The following ZFHX3 variants were observed in gnomAD, a reference collection of about 807,000 sequenced individuals.
ZFHX3 encodes zinc finger homeobox protein 3.
In ZFHX3, 42 loss-of-function variants were observed where a neutral mutation model predicts 279.1. The observed-to-expected ratio is 0.15, with a 90% CI of 0.12 to 0.19. The LOEUF (loss-of-function observed/expected upper bound fraction) is 0.19. Among genes scored for constraint, ZFHX3 ranks in the 10% least tolerant of loss-of-function variants. ZFHX3 has a pLI of 1.00. For synonymous variants in ZFHX3, 2,293 were observed against 1,957.8 expected (o/e 1.17, Z -4.52); for missense variants, 4,981 against 4,754.0 (o/e 1.05, Z -1.40).
intron 8 of ZFHX3, among the ~76,000 whole-genome samples, chr16:73,078,982 C>G (rs1015716498): frequency 6.6e-6 from 1 of 152,136 alleles, no homozygotes; most frequent in Non-Finnish European, 1.5e-5. Flanking sequence ...TGAACTTCAA[C>G]TTGCCTGTCA....
intron 1 of ZFHX3, among the ~76,000 whole-genome samples, chr16:73,769,480 G>C (rs1344058514): frequency 6.6e-6 from 1 of 152,050 alleles, no homozygotes; most frequent in East Asian, 1.9e-4. Context: ...AGAATTAATA[G>C]TACCATGCTA....
At chr16:73,547,267 G>C (rs1409176655) in intron 2 of ZFHX3, among the ~76,000 whole-genome samples, 1 of 151,782 alleles carries the variant, frequency 6.6e-6, no homozygotes, top group Non-Finnish European at 1.5e-5. Flanking sequence ...TACCAAATTG[G>C]CTTTAAATTA....
intron 5 of ZFHX3, among the ~76,000 whole-genome samples, chr16:73,199,809 A>C (rs1407416907): frequency 6.6e-6 from 1 of 152,158 alleles, no homozygotes; most frequent in Non-Finnish European, 1.5e-5. Flanking sequence ...CCAACTCCAA[A>C]ATGGATGTTG....
chr16:73,266,149 G>A (rs535122229), intron 4 of ZFHX3, among the ~76,000 whole-genome samples: 78 of 152,308 alleles, frequency 5.1e-4, no homozygotes, highest in African/African-American at 1.9e-3. Flanking sequence ...AAATGCAAAT[G>A]TAACCTTTAG....
At chr16:73,257,241 G>A (rs1445769570) in intron 4 of ZFHX3, 5 of 152,214 alleles carry the variant, frequency 3.3e-5, no homozygotes, top group African/African-American at 4.8e-5. Context: ...CTGTTCTAGA[G>A]TCAAACTAGA....
At chr16:72,985,843 T>C (rs951809980) in intron 1 of ZFHX3, among the ~76,000 whole-genome samples, 2 of 152,138 alleles carry the variant, frequency 1.3e-5, no homozygotes, top group Non-Finnish European at 2.9e-5. Context: ...TAATGGAAGC[T>C]GACCGCAGCA....
intron 3 of ZFHX3, among the ~76,000 whole-genome samples, chr16:72,906,853 T>C (rs1418277304): frequency 6.6e-6 from 1 of 151,426 alleles, no homozygotes; most frequent in Non-Finnish European, 1.5e-5. Flanking sequence ...TTGAGCAAAA[T>C]GGTAGGAGTT....
At chr16:73,355,539 G>C (rs559323515) in intron 3 of ZFHX3, among the ~76,000 whole-genome samples, 1 of 152,074 alleles carries the variant, frequency 6.6e-6, no homozygotes, top group Admixed American at 6.5e-5. Flanking sequence ...GAGCTGGGAT[G>C]GTCTGCTTCA....
chr16:73,736,744 T>C (rs2053613140), intron 1 of ZFHX3, among the ~76,000 whole-genome samples: 2 of 152,202 alleles, frequency 1.3e-5, no homozygotes, highest in Non-Finnish European at 2.9e-5. Context: ...TATGCACAGT[T>C]TATCAGCCAC....
chr16:72,794,529 G>C lies in ZFHX3; in HGVS notation c.8153C>G (p.Ala2718Gly). Reference sequence around the variant, plus strand: ...AAGAGCAGTCTTGGCTTTGAAGAGCGCTCTGCAAAAAGGGCATCTCCTGTG... The same window carrying C: ...AAGAGCAGTCTTGGCTTTGAAGAGCCCTCTGCAAAAAGGGCATCTCCTGTG... ...QAHRRCPFCR[A>G]LFKAKTALEA... The change falls in exon 9 of 10, where the codon GCG (alanine) becomes GGG (glycine). Residue 2718 changes from alanine (A) to glycine (G), a missense_variant. Physicochemically the swap from Ala to Gly is moderately conservative, Grantham distance 60. Transcript: ENST00000268489. This position sits in a 1 kb window ranked among gnomAD's most constrained non-coding sequence, Gnocchi z 4.2. 1.2e-6 allele frequency: 2 copies of C among 1,614,176 alleles called. No individual in the cohort carries two copies. Among genetic ancestry groups the C allele is most frequent in the Non-Finnish European group, 8.5e-7 (1 of 1,180,044 alleles).
In ZFHX3 at chr16:73,278,619, A is replaced by G. The variant is rs1301976425; in HGVS notation, c.-1193-21483T>C. Among the ~76,000 whole-genome samples the G allele has an allele frequency of 2.0e-5, 3 of 152,132 alleles. No homozygotes were observed. The East Asian group carries it at 5.8e-4, about 29-fold the overall frequency. On this transcript the variant is annotated intron_variant, in intron 4 of 17. Transcript: ENST00000641206. ...TGGGGTGGCCAGCTTTTATTCCCTT[A>G]TCTGTCCCCACCCACGTTCCGTTTT...
chr16:72,821,778 G>C (rs2036798130), intron 5 of ZFHX3, among the ~76,000 whole-genome samples: 1 of 152,230 alleles, frequency 6.6e-6, no homozygotes, highest in Admixed American at 6.5e-5. Flanking sequence ...GCTAGCCAGA[G>C]ATCAGGCATA....
intron 5 of ZFHX3, among the ~76,000 whole-genome samples, chr16:73,181,629 G>T (rs897658711): frequency 3.9e-5 from 6 of 152,166 alleles, no homozygotes; most frequent in African/African-American, 1.4e-4. Flanking sequence ...TTGTGCCCTT[G>T]ACTGTGAATA....
intron 5 of ZFHX3, among the ~76,000 whole-genome samples, chr16:73,208,373 A>G (rs1213640422): frequency 6.6e-6 from 1 of 152,202 alleles, no homozygotes; most frequent in Non-Finnish European, 1.5e-5. Context: ...CATGGGTGCC[A>G]AACAACATGT....
intron 3 of ZFHX3, among the ~76,000 whole-genome samples, chr16:73,342,485 C>T (rs1432268554): frequency 2.0e-5 from 3 of 152,088 alleles, no homozygotes; most frequent in African/African-American, 4.8e-5. Flanking sequence ...CGGTACTATT[C>T]GGCTGGAGAA....
At chr16:73,507,948 TAACAA>T (rs754938752) in intron 2 of ZFHX3, among the ~76,000 whole-genome samples, 4 of 152,208 alleles carry the variant, frequency 2.6e-5, no homozygotes, top group Non-Finnish European at 5.9e-5. Context: ...AAAAGATGCT[TAACAA>T]ATGTTAGGAC....
At chr16:72,897,718 G>A (rs1185479426) in intron 3 of ZFHX3, among the ~76,000 whole-genome samples, 2 of 151,820 alleles carry the variant, frequency 1.3e-5, no homozygotes, top group Non-Finnish European at 2.9e-5. Context: ...TAGGATTATA[G>A]ATGTAAGTCA....
chr16:73,290,065 A>G (rs1489993902), intron 4 of ZFHX3, among the ~76,000 whole-genome samples: 1 of 152,122 alleles, frequency 6.6e-6, no homozygotes, highest in African/African-American at 2.4e-5. Flanking sequence ...AGACATTTAT[A>G]TACGAACTAA....
intron 2 of ZFHX3, among the ~76,000 whole-genome samples, chr16:73,547,291 C>T (rs186464439): frequency 7.9e-5 from 12 of 151,346 alleles, no homozygotes; most frequent in Admixed American, 2.6e-4. Flanking sequence ...ATAAAGGGAG[C>T]GAAGGAAAGG....
Sources: gnomAD v4.1 joint callset for allele counts (sites outside exome capture counted in the v4.1 genomes callset) on GRCh38, gnomAD v4.1.1 for gene constraint, Gnocchi (gnomAD v3.1) non-coding constraint, MANE v1.5 for transcripts, NCBI Gene and HGNC (gene_info 2026-07-23, HGNC 2026-07-21) for gene names.